The following CFAP299 variants were observed in gnomAD, a reference collection of about 807,000 sequenced individuals.
CFAP299 encodes cilia- and flagella-associated protein 299.
Under a neutral mutation model 27.0 loss-of-function variants are expected in CFAP299, and 21 were observed. That is an observed-to-expected ratio of 0.78 (90% CI 0.55 to 1.12). CFAP299 has a LOEUF of 1.12. Ranked by LOEUF, CFAP299 falls within the 50% of genes most tolerant of loss-of-function variation. CFAP299 has a pLI of 0.00. For missense variants in CFAP299, 310 were observed against 276.6 expected, an observed-to-expected ratio of 1.12 and a Z score of -0.86; for synonymous variants, 104 against 98.1, an observed-to-expected ratio of 1.06 and a Z score of -0.36.
At chr4:80,564,514 C>T (rs1258452776) in intron 2 of CFAP299, among the ~76,000 whole-genome samples, 1 of 151,758 alleles carries the variant, frequency 6.6e-6, no homozygotes, top group Non-Finnish European at 1.5e-5. Context: ...AATCTGGGGA[C>T]ACAAGGAACA....
intron 3 of CFAP299, among the ~76,000 whole-genome samples, chr4:80,866,787 T>C (rs555848740): frequency 9.5e-4 from 145 of 152,266 alleles, no homozygotes; most frequent in Non-Finnish European, 1.8e-3. Context: ...AGAAGTGATA[T>C]TTGAAATAAA....
At chr4:80,935,801 A>G (rs529821651) in intron 4 of CFAP299, among the ~76,000 whole-genome samples, 8 of 152,100 alleles carry the variant, frequency 5.3e-5, no homozygotes, top group Non-Finnish European at 1.0e-4. Context: ...GACAGAAAAT[A>G]TTTGCAAAGT....
chr4:80,492,630 A>T (rs1468834991), intron 2 of CFAP299, among the ~76,000 whole-genome samples: 1 of 152,220 alleles, frequency 6.6e-6, no homozygotes, highest in African/African-American at 2.4e-5. Context: ...ACACATTTTC[A>T]TGCATCTAAA....
chr4:80,827,116 AG>A (rs751164258), intron 3 of CFAP299, among the ~76,000 whole-genome samples: 33 of 151,890 alleles, frequency 2.2e-4, no homozygotes, highest in Non-Finnish European at 2.9e-5. Context: ...TTGTTGAATT[AG>A]AAAAAGAAAA....
rs931423536 is a variant in CFAP299, at chr4:80,502,333, T to G, written c.243-80760T>G. Among the ~76,000 whole-genome samples the G allele has an allele frequency of 3.3e-5, 5 of 152,082 alleles. No homozygotes were observed. In the East Asian group the frequency reaches 9.6e-4, roughly 29 times the overall value. On this transcript the variant is annotated intron_variant, in intron 2 of 5. Transcript: ENST00000358105. ...AATCAAAGCTGTAGGCAGGGCCACC[T>G]TGCCCATCAGTTTACATTAATGCCA...
At chr4:80,388,337 G>A (rs1725134795) in intron 2 of CFAP299, 3 of 682,630 alleles carry the variant, frequency 4.4e-6, no homozygotes, top group Admixed American at 2.0e-5. Flanking sequence ...CTGGATCAGT[G>A]GGGACAGGGG....
intron 4 of CFAP299, among the ~76,000 whole-genome samples, chr4:80,890,135 T>C (rs1267248457): frequency 6.6e-6 from 1 of 152,002 alleles, no homozygotes; most frequent in Non-Finnish European, 1.5e-5. Context: ...CCATAATACT[T>C]AGACAGGAGG....
chr4:80,927,845 A>T (rs1736382623), intron 4 of CFAP299, among the ~76,000 whole-genome samples: 1 of 152,122 alleles, frequency 6.6e-6, no homozygotes, highest in Admixed American at 6.6e-5. Context: ...TTAAGGTCAA[A>T]TCACTAGTAA....
chr4:80,777,098 T>C (rs1298535723), intron 3 of CFAP299, among the ~76,000 whole-genome samples: 3 of 152,092 alleles, frequency 2.0e-5, no homozygotes, highest in African/African-American at 4.8e-5. Context: ...GCTCCCCAGA[T>C]TGCAGTTTTC....
chr4:80,336,945 T>C (rs1311799267), intron 1 of CFAP299, among the ~76,000 whole-genome samples: 2 of 152,228 alleles, frequency 1.3e-5, no homozygotes, highest in African/African-American at 2.4e-5. Flanking sequence ...ACTTCAAAGA[T>C]TGGTTACAGA....
At chr4:80,557,500 C>T (rs1008887976) in intron 2 of CFAP299, among the ~76,000 whole-genome samples, 6 of 152,036 alleles carry the variant, frequency 3.9e-5, no homozygotes, top group South Asian at 2.1e-4. Flanking sequence ...CTCTCTAACA[C>T]GTACAAATTA....
rs1725063850 is a variant in CFAP299 at position 80,387,232 on chromosome 4, C to T, written c.242+24348C>T. 22 of 1,511,458 alleles carry T rather than the reference C, an allele frequency of 1.5e-5. No homozygotes were observed. In the South Asian group the frequency reaches 1.7e-4, roughly 12 times the overall value. The allele number at this position is 1,511,458 out of a possible 1,614,324, so 93.6% of individuals were successfully genotyped here. A position where few individuals can be genotyped will look rare whatever the true frequency, so the allele number is the denominator to read the frequency against. Reference sequence around the variant, plus strand: ...TCAGGTCGTACATCGGGGGTAAGTCCTTGTTGCAGAAGTGGCCGGGGTAGC... The same window carrying T: ...TCAGGTCGTACATCGGGGGTAAGTCTTTGTTGCAGAAGTGGCCGGGGTAGC... On this transcript the variant is annotated intron_variant, in intron 2 of 5. Coordinates refer to ENST00000358105, the MANE Select transcript of CFAP299 (RefSeq NM_152770.3).
At chr4:80,567,731 T>TTATA (rs10605376) in intron 2 of CFAP299, among the ~76,000 whole-genome samples, 146 of 148,830 alleles carry the variant, frequency 9.8e-4, no homozygotes, top group African/African-American at 2.3e-3. Flanking sequence ...TCTAATGTAT[T>TTATA]TATATATATA....
intron 2 of CFAP299, among the ~76,000 whole-genome samples, chr4:80,510,991 A>G (rs957251213): frequency 1.3e-5 from 2 of 152,130 alleles, no homozygotes; most frequent in African/African-American, 2.4e-5. Context: ...TGAATTTGGT[A>G]TTTCTCTGAG....
At chr4:80,905,883 T>C (rs11737786) in intron 4 of CFAP299, among the ~76,000 whole-genome samples, 18,570 of 152,134 alleles carry the variant, frequency 0.12, 2,378 homozygotes, top group African/African-American at 0.32. Context: ...TGGGTGGTGG[T>C]ACAGCCAAAT....
intron 3 of CFAP299, among the ~76,000 whole-genome samples, chr4:80,621,853 T>G (rs1738620477): frequency 1.3e-5 from 2 of 152,172 alleles, no homozygotes; most frequent in East Asian, 3.9e-4. Flanking sequence ...TTCCAGGTCT[T>G]AAAAGAAATA....
At chr4:80,359,999 A>C (rs1723462839) in intron 1 of CFAP299, among the ~76,000 whole-genome samples, 1 of 151,776 alleles carries the variant, frequency 6.6e-6, no homozygotes, top group Admixed American at 6.6e-5. Flanking sequence ...AATGGGTTTT[A>C]TTTTTCTTTT....
At chr4:80,904,635 G>A (rs1435799764) in intron 4 of CFAP299, among the ~76,000 whole-genome samples, 1 of 152,118 alleles carries the variant, frequency 6.6e-6, no homozygotes, top group African/African-American at 2.4e-5. Flanking sequence ...AGACAAGGAA[G>A]ATGTTCAGCA....
chr4:80,875,340 G>A (rs1273511663), intron 4 of CFAP299, among the ~76,000 whole-genome samples: 1 of 152,150 alleles, frequency 6.6e-6, no homozygotes, highest in Non-Finnish European at 1.5e-5. Context: ...AAAATATCTT[G>A]GACTTGAAAT....
Sources: allele counts gnomAD v4.1 joint callset (sites outside exome capture counted in the v4.1 genomes callset), GRCh38; gene constraint gnomAD v4.1.1; transcripts MANE v1.5; gene names NCBI Gene and HGNC (gene_info 2026-07-23, HGNC 2026-07-21).